Variants in STXBP3 observed in about 807,000 individuals in gnomAD.
The protein encoded by STXBP3 is syntaxin binding protein 3.
STXBP3 carries 41 observed loss-of-function variants against 85.7 expected under a neutral mutation model. That is an observed-to-expected ratio of 0.48 (90% CI 0.37 to 0.62). The LOEUF (loss-of-function observed/expected upper bound fraction) is 0.62. Ranked by LOEUF, STXBP3 falls within the 20% of genes least tolerant of loss-of-function variation. The probability of loss-of-function intolerance (pLI) is 0.00; values close to 1 mark genes in which losing one functional copy is unlikely to be tolerated. For missense variants in STXBP3, 563 were observed against 703.1 expected, an observed-to-expected ratio of 0.80 and a Z score of 2.25; for synonymous variants, 229 against 231.7, an observed-to-expected ratio of 0.99 and a Z score of 0.10.
At position 108,747,287 on chromosome 1, in the gene STXBP3, C is replaced by T. The variant is rs144348687; in HGVS notation, c.49+501C>T. Among the ~76,000 whole-genome samples the T allele has an allele frequency of 6.7e-4, 102 of 152,342 alleles. No individual in the cohort carries two copies. In the East Asian group the frequency reaches 0.011, roughly 16 times the overall value. ...TATCAACCCGTGCTTTTCAAAAAACCTCACTGTTTAACAGACTCATCTTCC... is the reference window on the plus strand; with the variant it reads ...TATCAACCCGTGCTTTTCAAAAAACTTCACTGTTTAACAGACTCATCTTCC... On this transcript the variant is annotated intron_variant, in intron 1 of 18. Coordinates refer to ENST00000370008, the MANE Select transcript of STXBP3 (RefSeq NM_007269.4).
intron 7 of STXBP3, 51 bp downstream of exon 7, chr1:108,772,870 A>G (rs1370218634): frequency 7.0e-7 from 1 of 1,432,800 alleles, no homozygotes; most frequent in Admixed American, 2.1e-5. Flanking sequence ...ACCATTCATT[A>G]TAGAGGTAAG....
chr1:108,807,899 C>G (rs747288635), intron 18 of STXBP3, among the ~76,000 whole-genome samples: 4 of 152,052 alleles, frequency 2.6e-5, no homozygotes, highest in Non-Finnish European at 5.9e-5. Flanking sequence ...TTTAAACAAA[C>G]TCTAAATGCA....
chr1:108,790,894 G>A (rs543668214), intron 11 of STXBP3, among the ~76,000 whole-genome samples: 1 of 151,888 alleles, frequency 6.6e-6, no homozygotes, highest in South Asian at 2.1e-4. Flanking sequence ...ATAAACTCAA[G>A]ATGTTATTTT....
intron 9 of STXBP3, 120 bp downstream of exon 9, chr1:108,779,530 C>CTTT: frequency 9.9e-7 from 1 of 1,008,226 alleles, no homozygotes; most frequent in Non-Finnish European, 1.4e-6. Context: ...TATTCAGAGA[C>CTTT]TTTATCCTTC....
intron 11 of STXBP3, among the ~76,000 whole-genome samples, chr1:108,784,474 GC>G (rs1008833070): frequency 6.6e-6 from 1 of 152,084 alleles, no homozygotes; most frequent in Admixed American, 6.6e-5. Context: ...GGGGCAAACC[GC>G]CCCCATGATT....
chr1:108,758,251 C>T (rs1308069408), intron 4 of STXBP3, among the ~76,000 whole-genome samples: 1 of 147,764 alleles, frequency 6.8e-6, no homozygotes, highest in Non-Finnish European at 1.5e-5. Context: ...GCATCCTGTT[C>T]ATACATATTA....
In STXBP3 at chr1:108,779,293, C is replaced by G. The variant is rs1414727357; in HGVS notation, c.692C>G (p.Thr231Ser). 9.9e-6 allele frequency: 16 copies of G among 1,610,934 alleles called. 1 individual carries two copies. Among genetic ancestry groups the G allele is most frequent in the Non-Finnish European group, 1.3e-5 (15 of 1,178,294 alleles). The change falls in exon 9 of 19, where the codon ACT becomes AGT. Residue 231 changes from threonine to serine, a missense_variant. Physicochemically the swap from Thr to Ser is moderately conservative, Grantham distance 58. Around this residue, in one of 3 missense-constraint regions of STXBP3, gnomAD observed 494 missense variants for 592.8 expected, o/e 0.83. Coordinates refer to ENST00000370008, the MANE Select transcript of STXBP3 (RefSeq NM_007269.4). ...TTTATCTTGTTATTCTAGGGTAAAA[C>G]TCATTCACAGCTCTTAATAATTGAT... ...IDEKSLIKGK[T>S]HSQLLIIDRG...
At chr1:108,783,572 G>GAC (rs1303712076) in intron 11 of STXBP3, among the ~76,000 whole-genome samples, 2 of 152,038 alleles carry the variant, frequency 1.3e-5, no homozygotes, top group African/African-American at 4.8e-5. Context: ...CCTTTTGATG[G>GAC]ACATTTAGTT....
At chr1:108,757,175 T>C (rs1414402658) in intron 4 of STXBP3, among the ~76,000 whole-genome samples, 1 of 152,054 alleles carries the variant, frequency 6.6e-6, no homozygotes, top group African/African-American at 2.4e-5. Context: ...GGTATATATG[T>C]GTGTATGTAT....
chr1:108,764,382 A>G, intron 6 of STXBP3, among the ~76,000 whole-genome samples: 1 of 152,174 alleles, frequency 6.6e-6, no homozygotes, highest in East Asian at 1.9e-4. Flanking sequence ...TGTCCTTATG[A>G]TAGACTTATA....
intron 3 of STXBP3, among the ~76,000 whole-genome samples, chr1:108,753,662 CAT>C (rs1472899721): frequency 7.2e-5 from 11 of 151,922 alleles, no homozygotes; most frequent in African/African-American, 2.7e-4. Context: ...GAAAAAAAAT[CAT>C]AATGTCATAA....
intron 4 of STXBP3, among the ~76,000 whole-genome samples, chr1:108,758,005 C>T (rs573006024): frequency 2.0e-4 from 31 of 152,002 alleles, no homozygotes; most frequent in Non-Finnish European, 3.8e-4. Context: ...ATTGTATATT[C>T]CTCATTCTTG....
At chr1:108,807,875 C>A (rs541883300) in intron 18 of STXBP3, among the ~76,000 whole-genome samples, 15 of 152,056 alleles carry the variant, frequency 9.9e-5, no homozygotes, top group Non-Finnish European at 2.1e-4. Flanking sequence ...CCGCACCCAG[C>A]CTTCTTTTCT....
chr1:108,748,105 C>G (rs1028256086), intron 1 of STXBP3, among the ~76,000 whole-genome samples: 2 of 147,554 alleles, frequency 1.4e-5, no homozygotes, highest in African/African-American at 4.9e-5. Flanking sequence ...ATCTGTCATT[C>G]TGTGACTTCC....
intron 9 of STXBP3, 124 bp from the exon 10 acceptor site, chr1:108,782,298 A>C: frequency 1.4e-6 from 1 of 721,386 alleles, no homozygotes; most frequent in Non-Finnish European, 2.3e-6. Flanking sequence ...TTACCCCCCT[A>C]AAATAGTGGA....
chr1:108,764,981 AG>A (rs1475966881), intron 6 of STXBP3, among the ~76,000 whole-genome samples: 1 of 152,128 alleles, frequency 6.6e-6, no homozygotes, highest in Non-Finnish European at 1.5e-5. Context: ...GGTACTGCCT[AG>A]GCTGTCTTCC....
chr1:108,788,257 G>C (rs929107874), intron 11 of STXBP3, among the ~76,000 whole-genome samples: 1 of 152,124 alleles, frequency 6.6e-6, no homozygotes, highest in African/African-American at 2.4e-5. Context: ...TGATCATGAT[G>C]CATCATCCTT....
rs758281033 is a variant in STXBP3 at position 108,760,102 on chromosome 1, T to G, written c.438+17T>G. ...GAATCTCAGGTACTTTCTATTTTTATTTTTTAGTTCATGAGAGGTTTCAAA... is the reference window on the plus strand; with the variant it reads ...GAATCTCAGGTACTTTCTATTTTTAGTTTTTAGTTCATGAGAGGTTTCAAA... On this transcript the variant is annotated intron_variant, in intron 6 of 18. Transcript: ENST00000370008. 3 of 1,480,782 alleles carry G rather than the reference T, an allele frequency of 2.0e-6. No homozygotes were observed. In the South Asian group the frequency reaches 3.9e-5, roughly 19 times the overall value. 91.7% of individuals were successfully genotyped at this position (1,480,782 alleles called of 1,614,324 possible).
intron 3 of STXBP3, among the ~76,000 whole-genome samples, chr1:108,755,046 A>G (rs1384629276): frequency 6.6e-6 from 1 of 152,144 alleles, no homozygotes; most frequent in African/African-American, 2.4e-5. Context: ...GTCATTCATG[A>G]AAATATTTAG....
Sources: allele counts gnomAD v4.1 joint callset (sites outside exome capture counted in the v4.1 genomes callset), GRCh38; gene constraint gnomAD v4.1.1; regional missense constraint gnomAD v4.1.1; transcripts MANE v1.5; gene names NCBI Gene and HGNC (gene_info 2026-07-23, HGNC 2026-07-21).